GOSR2: variants seen among roughly 807,000 people sequenced by gnomAD.
GOSR2 encodes 27 kDa Golgi SNARE protein.
A neutral mutation model predicts 27.9 loss-of-function variants in GOSR2; 20 were observed. That is an observed-to-expected ratio of 0.72 (90% CI 0.50 to 1.04). The LOEUF (loss-of-function observed/expected upper bound fraction) is 1.04. GOSR2 is among the 50% of genes least tolerant of loss of function. The pLI is 0.00. For synonymous variants in GOSR2, 91 were observed against 98.8 expected, an observed-to-expected ratio of 0.92 and a Z score of 0.47; for missense variants, 261 against 270.5, an observed-to-expected ratio of 0.97 and a Z score of 0.25.
intron 6 of GOSR2, among the ~76,000 whole-genome samples, chr17:46,951,444 A>C (rs1480145840): frequency 6.6e-6 from 1 of 152,172 alleles, no homozygotes; most frequent in Non-Finnish European, 1.5e-5. Context: ...GCGCCAGCCC[A>C]CGTCTCCAGA....
chr17:46,930,960 A>T, intron 2 of GOSR2, 139 bp from the exon 3 acceptor site: 1 of 662,190 alleles, frequency 1.5e-6, no homozygotes, highest in Non-Finnish European at 2.7e-6. Context: ...TCTGTTATTC[A>T]TTAGTGTATA....
chr17:46,929,060 T>C (rs2086917438), intron 1 of GOSR2, among the ~76,000 whole-genome samples: 1 of 152,142 alleles, frequency 6.6e-6, no homozygotes, highest in Admixed American at 6.5e-5. Flanking sequence ...TTATGTTGTT[T>C]CTCAAGGACA....
rs60833153 is a variant in GOSR2, at chr17:46,928,098, A to G, written c.30-1422A>G. On this transcript the variant is annotated intron_variant, in intron 1 of 5. Coordinates refer to ENST00000640051, the MANE Select transcript of GOSR2 (RefSeq NM_004287.5). ...CTCCACACCCCCGCATCATCCCACA[A>G]TATCCCAGACTTACTTTCCGGAAGC... Among the ~76,000 whole-genome samples the G allele has an allele frequency of 3.4e-3, 509 of 151,924 alleles. 2 individuals carry two copies. The highest frequency in any genetic ancestry group is 0.011 in the African/African-American group (476 of 41,416).
rs199529204 is a variant in GOSR2 at position 46,941,740 on chromosome 17, A to ATTTTTTTT, written c.*2989_*2996dup. 6.7e-6 allele frequency: 1 copy of ATTTTTTTT among 149,700 alleles called. No individual in the cohort carries two copies. Among genetic ancestry groups the ATTTTTTTT allele is most frequent in the Non-Finnish European group, 1.4e-5 (1 of 71,944 alleles). The allele number at this position is 149,700 out of a possible 1,614,324, so 9.3% of individuals were successfully genotyped here. A position where few individuals can be genotyped will look rare whatever the true frequency, so the allele number is the denominator to read the frequency against. On this transcript the variant is annotated 3_prime_UTR_variant, in exon 6 of 6. Transcript: ENST00000640051. ...AAGTGTGTGCCACCATGTCTGGCTA[A>ATTTTTTTT]TTTTTTTTTTTTTTTTGTATTTTTT...
At chr17:46,956,224 C>T (rs2090697787) in intron 6 of GOSR2, among the ~76,000 whole-genome samples, 1 of 151,614 alleles carries the variant, frequency 6.6e-6, no homozygotes, top group Non-Finnish European at 1.5e-5. Flanking sequence ...ATCCTGTCCC[C>T]TCTGGGGTAG....
At chr17:46,928,839 G>T (rs1313211389) in intron 1 of GOSR2, among the ~76,000 whole-genome samples, 5 of 152,068 alleles carry the variant, frequency 3.3e-5, no homozygotes, top group African/African-American at 7.2e-5. Context: ...TTCACCAAAT[G>T]ATGTCTCCCT....
At chr17:46,934,016 G>C (rs1410162033) in intron 4 of GOSR2, among the ~76,000 whole-genome samples, 2 of 151,960 alleles carry the variant, frequency 1.3e-5, no homozygotes, top group African/African-American at 2.4e-5. Context: ...AAAGAGAAGG[G>C]AACGCTCTCA....
At chr17:46,929,662 C>G (rs2087014547) in intron 2 of GOSR2, 78 bp downstream of exon 2, 1 of 792,816 alleles carries the variant, frequency 1.3e-6, no homozygotes, top group Non-Finnish European at 2.3e-6. Context: ...TGACTGCACT[C>G]TGCCTTGGGG....
At chr17:46,931,005 T>G in intron 2 of GOSR2, 94 bp from the exon 3 acceptor site, 1 of 754,824 alleles carries the variant, frequency 1.3e-6, no homozygotes, top group Non-Finnish European at 2.4e-6. Flanking sequence ...AGTTCTAGTT[T>G]ATTGGATATT....
At chr17:46,966,539 A>G (rs529681567) in exon 7 of GOSR2, 6 of 692,498 alleles carry the variant, frequency 8.7e-6, no homozygotes, top group African/African-American at 3.5e-5. Flanking sequence ...TGCAGAGACA[A>G]GGTCTCACCA....
chr17:46,941,013 C>T lies in GOSR2; in HGVS notation c.*2253C>T, dbSNP rs886053085. Reference sequence around the variant, plus strand: ...GGGAAGGAGCACCCTCTAGTGGAGGCGGGGGTGAATTCTTAGGTCGAGCTG... The same window carrying T: ...GGGAAGGAGCACCCTCTAGTGGAGGTGGGGGTGAATTCTTAGGTCGAGCTG... On this transcript the variant is annotated 3_prime_UTR_variant, in exon 6 of 6. Coordinates refer to ENST00000640051, the MANE Select transcript of GOSR2 (RefSeq NM_004287.5). 2.1e-5 allele frequency: 23 copies of T among 1,113,606 alleles called. No individual in the cohort carries two copies. Among genetic ancestry groups the T allele is most frequent in the African/African-American group, 4.8e-5 (3 of 62,118 alleles). The allele number at this position is 1,113,606 out of a possible 1,614,324, so 69.0% of individuals were successfully genotyped here.
At chr17:46,924,020 G>C (rs1303262200) in intron 1 of GOSR2, among the ~76,000 whole-genome samples, 1 of 152,134 alleles carries the variant, frequency 6.6e-6, no homozygotes, top group African/African-American at 2.4e-5. Context: ...CAATTTTTAA[G>C]TGTACAATTC....
intron 1 of GOSR2, 107 bp from the exon 2 acceptor site, chr17:46,929,413 T>A: frequency 1.4e-6 from 1 of 736,974 alleles, no homozygotes; most frequent in Non-Finnish European, 2.5e-6. Flanking sequence ...TCAGTGATGC[T>A]GTCGATTTAA....
In GOSR2 at chr17:46,940,597, C is replaced by T. The variant is rs767466315; in HGVS notation, c.*1837C>T. Reference sequence around the variant, plus strand: ...CAGACAGCACACTTTGGAGGAAGGTCTGCAGGGAGCAGCTGAGCCATTTGT... The same window carrying T: ...CAGACAGCACACTTTGGAGGAAGGTTTGCAGGGAGCAGCTGAGCCATTTGT... On this transcript the variant is annotated 3_prime_UTR_variant, in exon 6 of 6. Transcript: ENST00000640051. 32 of 1,614,060 alleles carry T rather than the reference C, an allele frequency of 2.0e-5. No individual in the cohort carries two copies. The highest frequency in any genetic ancestry group is 2.5e-5 in the Non-Finnish European group (30 of 1,180,052).
intron 6 of GOSR2, chr17:46,975,156 A>G (rs911268447): frequency 6.6e-6 from 1 of 152,044 alleles, no homozygotes; most frequent in African/African-American, 2.4e-5. Flanking sequence ...CAAACACATC[A>G]TGTCGTGAAA....
At chr17:46,951,627 C>G (rs185998621) in intron 6 of GOSR2, among the ~76,000 whole-genome samples, 2 of 152,300 alleles carry the variant, frequency 1.3e-5, no homozygotes, top group East Asian at 3.9e-4. Context: ...TCCATTCTTC[C>G]GGAACTTAGC....
At chr17:46,949,603 C>T (rs1011615479) in intron 6 of GOSR2, among the ~76,000 whole-genome samples, 2 of 152,158 alleles carry the variant, frequency 1.3e-5, no homozygotes, top group East Asian at 1.9e-4. Context: ...ATGATGCTCA[C>T]GTCTAGCTGG....
At position 46,954,973 on chromosome 17, in the gene GOSR2, A is replaced by G. The variant is rs199505844; in HGVS notation, c.584-11561A>G. Among the ~76,000 whole-genome samples the G allele has an allele frequency of 5.6e-4, 85 of 152,306 alleles. 1 individual carries two copies. In the East Asian group the frequency reaches 0.015, roughly 27 times the overall value. On this transcript the variant is annotated intron_variant, in intron 6 of 6. Coordinates refer to the GOSR2 transcript ENST00000573224. ...ATCATGTCATCTGCAAACAGGGACA[A>G]TTTGACTTCCTCTTTTCCTAATTGA...
chr17:46,951,175 C>T (rs886152874), intron 6 of GOSR2, among the ~76,000 whole-genome samples: 2 of 152,210 alleles, frequency 1.3e-5, no homozygotes, highest in Admixed American at 1.3e-4. Flanking sequence ...ACTGCCAGAC[C>T]ACGCTGTCCC....
Sources: gnomAD v4.1 joint callset for allele counts (sites outside exome capture counted in the v4.1 genomes callset) on GRCh38, gnomAD v4.1.1 for gene constraint, MANE v1.5 for transcripts, NCBI Gene and HGNC (gene_info 2026-07-23, HGNC 2026-07-21) for gene names.